ZNF37A: variants seen among roughly 807,000 people sequenced by gnomAD.
ZNF37A encodes the protein zinc finger protein 37a (KOX 21).
A neutral mutation model predicts 12.3 loss-of-function variants in ZNF37A; 10 were observed. That is an observed-to-expected ratio of 0.82 (90% confidence interval 0.50 to 1.38). The LOEUF (loss-of-function observed/expected upper bound fraction) is 1.38, where lower values mean the gene tolerates loss of function less well. Ranked by LOEUF, ZNF37A falls within the 40% of genes most tolerant of loss-of-function variation. The probability of loss-of-function intolerance (pLI) is 0.00; values close to 1 mark genes in which losing one functional copy is unlikely to be tolerated. For missense variants in ZNF37A, 580 were observed against 651.2 expected, an observed-to-expected ratio of 0.89 and a Z score of 1.19; for synonymous variants, 207 against 223.0, an observed-to-expected ratio of 0.93 and a Z score of 0.64.
intron 7 of ZNF37A, among the ~76,000 whole-genome samples, chr10:38,145,332 A>G (rs1725108670): frequency 1.3e-5 from 2 of 152,230 alleles, no homozygotes; most frequent in South Asian, 4.1e-4. Context: ...AATTTAGGAA[A>G]GAAACAAATT....
intron 7 of ZNF37A, chr10:38,141,598 A>C (rs1374714786): frequency 6.6e-6 from 1 of 152,214 alleles, no homozygotes; most frequent in Non-Finnish European, 1.5e-5. Flanking sequence ...GGAACCAATA[A>C]TAATAATAGA....
Position 38,117,789 on chromosome 10 carries a change from C to G in ZNF37A, c.638C>G (p.Ser213Cys). ...TGTGGAGAAAATATCTTTGAGGAAT[C>G]CATTCTCCTTGAACATCAGAGTGTT... ...NECGENIFEE[S>C]ILLEHQSVYP... The change falls in exon 8 of 8, where the codon TCC becomes TGC. Residue 213 changes from serine (S) to cysteine (C), a missense_variant. Ser to Cys is a moderately radical substitution (Grantham distance 112). Coordinates refer to ENST00000685332, the MANE Select transcript of ZNF37A (RefSeq NM_001324250.3). 6.2e-7 allele frequency: 1 copy of G among 1,613,944 alleles called. No homozygotes were observed. The highest frequency in any genetic ancestry group is 8.5e-7 in the Non-Finnish European group (1 of 1,179,964).
At chr10:38,102,131 A>T (rs2067643403) in intron 5 of ZNF37A, among the ~76,000 whole-genome samples, 5 of 152,040 alleles carry the variant, frequency 3.3e-5, no homozygotes, top group Admixed American at 3.3e-4. Flanking sequence ...CACCATGCCC[A>T]GCCTATTTTG....
chr10:38,124,009 TA>T lies in ZNF37A; in HGVS notation c.*5173del, dbSNP rs1186113807. On this transcript the variant is annotated 3_prime_UTR_variant, in exon 8 of 8. Coordinates refer to ENST00000685332, the MANE Select transcript of ZNF37A (RefSeq NM_001324250.3). ...ATATACCCCAAAGACAGGAAATCAG[TA>T]TATTGAAGATATATCTGCACCGTGT... 1 of 152,190 alleles carries T rather than the reference TA, an allele frequency of 6.6e-6. No homozygotes were observed. The highest frequency in any genetic ancestry group is 1.5e-5 in the Non-Finnish European group (1 of 68,028). The allele number at this position is 152,190 out of a possible 1,614,324, so 9.4% of individuals were successfully genotyped here. A position where few individuals can be genotyped will look rare whatever the true frequency, so the allele number is the denominator to read the frequency against.
chr10:38,130,999 T>G (rs933513988), intron 7 of ZNF37A, among the ~76,000 whole-genome samples: 1 of 152,256 alleles, frequency 6.6e-6, no homozygotes, highest in Non-Finnish European at 1.5e-5. Flanking sequence ...TTGTGTATAT[T>G]CTTTGAGTAA....
exon 8 of ZNF37A, chr10:38,147,566 CTCTT>C (rs1432517200): frequency 1.3e-5 from 2 of 152,132 alleles, no homozygotes; most frequent in East Asian, 1.9e-4. Context: ...GAATTATGTC[CTCTT>C]TCTAATTTTG....
chr10:38,106,639 A>G (rs2068118873), intron 5 of ZNF37A, among the ~76,000 whole-genome samples: 1 of 152,146 alleles, frequency 6.6e-6, no homozygotes, highest in Admixed American at 6.5e-5. Flanking sequence ...AACTAGAATA[A>G]CCAGGTTAGA....
exon 8 of ZNF37A, chr10:38,150,012 G>A (rs1222925983): frequency 6.6e-6 from 1 of 152,226 alleles, no homozygotes; most frequent in Non-Finnish European, 1.5e-5. Context: ...GTGTTGTGAA[G>A]TATTTCCTGA....
chr10:38,127,343 G>C (rs1175272292), downstream of ZNF37A, among the ~76,000 whole-genome samples: 2 of 152,120 alleles, frequency 1.3e-5, no homozygotes, highest in Non-Finnish European at 2.9e-5. Flanking sequence ...TTTCACTTAC[G>C]CTAACCACTT....
At chr10:38,145,166 C>T (rs1590953465) in intron 7 of ZNF37A, among the ~76,000 whole-genome samples, 2 of 151,956 alleles carry the variant, frequency 1.3e-5, no homozygotes, top group South Asian at 2.1e-4. Flanking sequence ...GATTTTCACA[C>T]GCTCCCCATT....
At chr10:38,113,357 C>G (rs147417971) in intron 5 of ZNF37A, among the ~76,000 whole-genome samples, 6 of 151,534 alleles carry the variant, frequency 4.0e-5, no homozygotes, top group African/African-American at 1.5e-4. Context: ...GGATTACAGG[C>G]GTCCACAGTC....
At chr10:38,113,099 C>G (rs2068953139) in intron 5 of ZNF37A, among the ~76,000 whole-genome samples, 1 of 151,944 alleles carries the variant, frequency 6.6e-6, no homozygotes, top group South Asian at 2.1e-4. Context: ...AGCCACCGCA[C>G]CTGGCCCATT....
chr10:38,127,212 A>G (rs890873124), downstream of ZNF37A, among the ~76,000 whole-genome samples: 1 of 152,120 alleles, frequency 6.6e-6, no homozygotes, highest in Non-Finnish European at 1.5e-5. Context: ...TGAGATTTGT[A>G]GTTGTATGGA....
Position 38,115,261 on chromosome 10 carries a change from A to T in ZNF37A, c.209A>T (p.Glu70Val). The change falls in exon 7 of 8, where the codon GAG becomes GTG. Residue 70 changes from glutamate to valine, a missense_variant. Physicochemically the swap from Glu to Val is moderately radical, Grantham distance 121. Coordinates refer to ENST00000685332, the MANE Select transcript of ZNF37A (RefSeq NM_001324250.3). ...LEKGEEPWIL[E>V]EKFPSQSHLE... ...AAAGGCGAGGAGCCATGGATATTAG[A>T]GGAAAAATTTCCAAGCCAGAGTCAT... 2.5e-6 allele frequency: 4 copies of T among 1,613,848 alleles called. No individual in the cohort carries two copies. The highest frequency in any genetic ancestry group is 2.5e-6 in the Non-Finnish European group (3 of 1,179,918).
intron 5 of ZNF37A, among the ~76,000 whole-genome samples, chr10:38,102,622 C>T (rs1431322186): frequency 1.3e-5 from 2 of 152,118 alleles, no homozygotes; most frequent in Non-Finnish European, 2.9e-5. Flanking sequence ...TTTGCATTTA[C>T]TTACAGTAGT....
rs375463315 is a variant in ZNF37A, at chr10:38,118,894, T to C, written c.*57T>C. On this transcript the variant is annotated 3_prime_UTR_variant, in exon 8 of 8. Coordinates refer to ENST00000685332, the MANE Select transcript of ZNF37A (RefSeq NM_001324250.3). ...GGGTGAGAGAAATCTGTTAATATAA[T>C]GATAATGAGAACACCTTTGCCCTGA... The C allele has an allele frequency of 2.6e-6, 4 of 1,509,540 alleles. No individual in the cohort carries two copies. The highest frequency in any genetic ancestry group is 4.6e-5 in the East Asian group (2 of 43,548). The allele number at this position is 1,509,540 out of a possible 1,614,324, so 93.5% of individuals were successfully genotyped here.
chr10:38,115,190 C>T lies in ZNF37A; in HGVS notation c.143-5C>T. 6.2e-7 allele frequency: 1 copy of T among 1,612,224 alleles called. No homozygotes were observed. The highest frequency in any genetic ancestry group is 8.5e-7 in the Non-Finnish European group (1 of 1,179,186). ...TGTCCCAAGTAATACAATTCTCATT[C>T]ACAGGGTATTGCATTCCTAAACCAG... On this transcript the variant is annotated splice_polypyrimidine_tract_variant and splice_region_variant and intron_variant, in intron 6 of 7. Transcript: ENST00000685332.
At chr10:38,108,387 A>C (rs1378440446) in intron 5 of ZNF37A, among the ~76,000 whole-genome samples, 1 of 152,232 alleles carries the variant, frequency 6.6e-6, no homozygotes, top group African/African-American at 2.4e-5. Context: ...AATGCCCACA[A>C]CAGAAAGTAG....
intron 5 of ZNF37A, 107 bp downstream of exon 5, chr10:38,096,739 G>C (rs751612675): frequency 8.9e-7 from 1 of 1,124,468 alleles, no homozygotes; most frequent in East Asian, 2.5e-5. Context: ...AAAATATAGA[G>C]GAGAGGTCAC....
Sources: allele counts gnomAD v4.1 joint callset (sites outside exome capture counted in the v4.1 genomes callset), GRCh38; gene constraint gnomAD v4.1.1; transcripts MANE v1.5; gene names NCBI Gene and HGNC (gene_info 2026-07-23, HGNC 2026-07-21).